Variants in MAT1A observed in about 807,000 individuals in gnomAD.
MAT1A encodes methionine adenosyltransferase 1A, also known as S-adenosylmethionine synthase isoform type-1.
In MAT1A, 19 loss-of-function variants were observed where a neutral mutation model predicts 44.0. That is an observed-to-expected ratio of 0.43 (90% CI 0.30 to 0.63). The LOEUF is 0.63. MAT1A is among the 30% of genes least tolerant of loss of function. The pLI is 0.12. For missense variants in MAT1A, 397 were observed against 531.0 expected (o/e 0.75, Z 2.48); for synonymous variants, 205 against 205.6 (o/e 1.00, Z 0.03).
chr10:80,282,172 C>T (rs1046432860), intron 3 of MAT1A, among the ~76,000 whole-genome samples: 1 of 152,192 alleles, frequency 6.6e-6, no homozygotes, highest in Non-Finnish European at 1.5e-5. Context: ...CACTGTCTGT[C>T]TAAATAATGA....
chr10:80,275,274 G>A, intron 6 of MAT1A, 75 bp from the exon 7 acceptor site: 1 of 1,339,414 alleles, frequency 7.5e-7, no homozygotes, highest in Non-Finnish European at 1.0e-6. Context: ...GTACTGTGAT[G>A]GCAGCTGAAC....
chr10:80,284,100 T>A (rs1342025460), intron 2 of MAT1A, 62 bp from the exon 3 acceptor site: 20 of 1,593,412 alleles, frequency 1.3e-5, no homozygotes. Context: ...GAAGCTCACA[T>A]TCCCAGACCT....
chr10:80,283,296 A>G (rs1841593429), intron 3 of MAT1A, among the ~76,000 whole-genome samples: 1 of 152,186 alleles, frequency 6.6e-6, no homozygotes, highest in African/African-American at 2.4e-5. Context: ...AATCTGCTTC[A>G]AAGTTCTGCT....
intron 1 of MAT1A, among the ~76,000 whole-genome samples, chr10:80,287,681 A>C (rs1260700305): frequency 1.3e-5 from 2 of 152,250 alleles, no homozygotes; most frequent in Non-Finnish European, 2.9e-5. Flanking sequence ...CCTAACCTAT[A>C]CATGAGGCTC....
rs12240992 is a variant in MAT1A at position 80,276,728 on chromosome 10, G to C, written c.550-134C>G. On this transcript the variant is annotated intron_variant, in intron 5 of 8. Transcript: ENST00000372213. ...GTGGGGCCTCCTGTCTTCAAAGGGT[G>C]TTGGGGGAGTTAATCTGACACATTC... 1,552 of 827,926 alleles carry C rather than the reference G, an allele frequency of 1.9e-3. 16 individuals carry two copies. The African/African-American group carries it at 0.023, about 12-fold the overall frequency. The allele number at this position is 827,926 out of a possible 1,614,324, so 51.3% of individuals were successfully genotyped here. A position where few individuals can be genotyped will look rare whatever the true frequency, so the allele number is the denominator to read the frequency against.
intron 6 of MAT1A, 108 bp from the exon 7 acceptor site, chr10:80,275,307 G>A: frequency 9.9e-7 from 1 of 1,009,426 alleles, no homozygotes; most frequent in Non-Finnish European, 1.5e-6. Flanking sequence ...AGGATGTCCT[G>A]GGGCTGCCCA....
At chr10:80,278,685 C>T (rs986615369) in intron 5 of MAT1A, among the ~76,000 whole-genome samples, 6 of 152,352 alleles carry the variant, frequency 3.9e-5, no homozygotes, top group Admixed American at 3.9e-4. Context: ...ACTTCCCTGC[C>T]CCAGTACAGC....
intron 5 of MAT1A, among the ~76,000 whole-genome samples, chr10:80,278,286 A>G (rs539579394): frequency 1.3e-5 from 2 of 151,936 alleles, no homozygotes; most frequent in South Asian, 2.1e-4. Flanking sequence ...TGACCCCTAA[A>G]CCTAGAAACC....
chr10:80,289,291 T>C, intron 1 of MAT1A, 42 bp downstream of exon 1: 1 of 1,525,308 alleles, frequency 6.6e-7, no homozygotes, highest in Non-Finnish European at 9.1e-7. Flanking sequence ...AGTATAGGCT[T>C]GGAATGATCG....
chr10:80,279,267 G>T (rs1240875290), intron 5 of MAT1A, among the ~76,000 whole-genome samples: 1 of 152,154 alleles, frequency 6.6e-6, no homozygotes, highest in Non-Finnish European at 1.5e-5. Flanking sequence ...TGGAGCGAGA[G>T]GGGTGCTTGA....
chr10:80,281,492 A>G (rs1589482506), intron 3 of MAT1A, among the ~76,000 whole-genome samples: 2 of 152,096 alleles, frequency 1.3e-5, no homozygotes, highest in Non-Finnish European at 2.9e-5. Context: ...TGGGAGTCCC[A>G]TGAGGAAACT....
intron 2 of MAT1A, 78 bp downstream of exon 2, chr10:80,285,434 G>A (rs934397789): frequency 3.2e-5 from 39 of 1,201,792 alleles, no homozygotes; most frequent in Admixed American, 1.3e-4. Context: ...AGTATGGCTC[G>A]TTTGTCTTAT....
intron 7 of MAT1A, 36 bp from the exon 8 acceptor site, chr10:80,274,689 C>T (rs1841458314): frequency 6.2e-7 from 1 of 1,613,606 alleles, no homozygotes. Context: ...ATTGAAGCCT[C>T]TGTGTGGGCC....
At chr10:80,280,901 G>C in intron 3 of MAT1A, 109 bp from the exon 4 acceptor site, 3 of 821,330 alleles carry the variant, frequency 3.7e-6, no homozygotes, top group Non-Finnish European at 6.3e-6. Context: ...GTCAGCGTGG[G>C]GGTTCCCTAA....
chr10:80,280,770 G>C lies in MAT1A; in HGVS notation c.315C>G (p.Asn105Lys). 1 of 1,614,166 alleles carries C rather than the reference G, an allele frequency of 6.2e-7. No individual in the cohort carries two copies. Among genetic ancestry groups the C allele is most frequent in the Non-Finnish European group, 8.5e-7 (1 of 1,179,988 alleles). ...ATTGCTGCTCCAAAGCCACCAGCACGTTGCAAGTCTTGAAGTCAAAGCCTA... is the reference window on the plus strand; with the variant it reads ...ATTGCTGCTCCAAAGCCACCAGCACCTTGCAAGTCTTGAAGTCAAAGCCTA... ...SAKGFDFKTC[N>K]VLVALEQQSP... Residue 105 changes from asparagine to lysine, a missense_variant, in exon 4 of 9, where the codon AAC becomes AAG. Physicochemically the swap from Asn to Lys is moderately conservative, Grantham distance 94. Transcript: ENST00000372213.
rs768935719 is a variant in MAT1A at position 80,274,642 on chromosome 10, G to A, written c.963C>T (p.Ala321=). 3.1e-6 allele frequency: 5 copies of A among 1,614,180 alleles called. No individual in the cohort carries two copies. The highest frequency in any genetic ancestry group is 1.7e-5 in the Admixed American group (1 of 60,026). The part of the protein sequence containing the change: ...CRRVLVQVSY[A]IGVAEPLSIS... ...TGGACAGCGGCTCGGCCACACCAAT[G>A]GCATAGGAAACCTTCCAGCAAGGTG... The change falls in exon 8 of 9, where the codon GCC becomes GCT. Residue 321 remains alanine, a synonymous_variant. Coordinates refer to ENST00000372213, the MANE Select transcript of MAT1A (RefSeq NM_000429.3).
chr10:80,289,491 T>C lies in MAT1A; in HGVS notation c.-68A>G, dbSNP rs1841693035. On this transcript the variant is annotated 5_prime_UTR_variant, in exon 1 of 9. Coordinates refer to ENST00000372213, the MANE Select transcript of MAT1A (RefSeq NM_000429.3). Reference sequence around the variant, plus strand: ...TTGAGGCTGTGACTTTGCCTGAGTTTTTTTTTCTTCTTCTTCTTCTTCTTT... The same window carrying C: ...TTGAGGCTGTGACTTTGCCTGAGTTCTTTTTTCTTCTTCTTCTTCTTCTTT... The C allele has an allele frequency of 8.5e-7, 1 of 1,172,652 alleles. No homozygotes were observed. Among genetic ancestry groups the C allele is most frequent in the Non-Finnish European group, 1.2e-6 (1 of 816,310 alleles). 72.6% of individuals were successfully genotyped at this position (1,172,652 alleles called of 1,614,324 possible). A position where few individuals can be genotyped will look rare whatever the true frequency, so the allele number is the denominator to read the frequency against.
chr10:80,272,706 C>CT lies in MAT1A; in HGVS notation c.*1074dup, dbSNP rs1841426722. 1 of 152,314 alleles carries CT rather than the reference C, an allele frequency of 6.6e-6. No individual in the cohort carries two copies. Among genetic ancestry groups the CT allele is most frequent in the African/African-American group, 2.4e-5 (1 of 41,436 alleles). 9.4% of individuals were successfully genotyped at this position (152,314 alleles called of 1,614,324 possible). A position where few individuals can be genotyped will look rare whatever the true frequency, so the allele number is the denominator to read the frequency against. ...GAAGCCCAGATAGGACTGGACTGGA[C>CT]TTAGACCACTTACCCCAGAAGTCCA... On this transcript the variant is annotated 3_prime_UTR_variant, in exon 9 of 9. Transcript: ENST00000372213.
intron 2 of MAT1A, 41 bp from the exon 3 acceptor site, chr10:80,284,079 G>A (rs368595208): frequency 6.2e-7 from 1 of 1,608,792 alleles, no homozygotes; most frequent in East Asian, 2.2e-5. Flanking sequence ...GCAGCCAAGT[G>A]CCAGCAAAGG....
Sources: allele counts gnomAD v4.1 joint callset (sites outside exome capture counted in the v4.1 genomes callset), GRCh38; gene constraint gnomAD v4.1.1; transcripts MANE v1.5; gene names NCBI Gene and HGNC (gene_info 2026-07-23, HGNC 2026-07-21).